STARD9: variants seen among roughly 807,000 people sequenced by gnomAD.
STARD9 encodes StAR related lipid transfer domain containing 9.
Under a neutral mutation model 399.8 loss-of-function variants are expected in STARD9, and 346 were observed. The ratio of observed to expected loss-of-function variants is 0.87; its 90% CI spans 0.79 to 0.95. STARD9 has a LOEUF of 0.95. Among genes scored for constraint, STARD9 ranks in the 40% least tolerant of loss-of-function variants. The probability of loss-of-function intolerance (pLI) is 0.00; values close to 1 mark genes in which losing one functional copy is unlikely to be tolerated. For synonymous variants in STARD9, 2,203 were observed against 2,143.5 expected (o/e 1.03, Z -0.77); for missense variants, 5,832 against 5,667.5 (o/e 1.03, Z -0.93).
chr15:42,608,551 A>G (rs1253121128), intron 3 of STARD9, among the ~76,000 whole-genome samples: 1 of 152,182 alleles, frequency 6.6e-6, no homozygotes, highest in Non-Finnish European at 1.5e-5. Flanking sequence ...TTGCAGGAAA[A>G]GTTTTTTCCA....
rs1036316081 is a variant in STARD9, at chr15:42,581,444, G to T, written c.48-1902G>T. 3 of 1,531,360 alleles carry T rather than the reference G, an allele frequency of 2.0e-6. No homozygotes were observed. In the Admixed American group the frequency reaches 5.1e-5, roughly 26 times the overall value. The allele number at this position is 1,531,360 out of a possible 1,614,324, so 94.9% of individuals were successfully genotyped here. A position where few individuals can be genotyped will look rare whatever the true frequency, so the allele number is the denominator to read the frequency against. On this transcript the variant is annotated intron_variant, in intron 1 of 32. Transcript: ENST00000290607. Reference sequence around the variant, plus strand: ...TGGCCACGGTGTGGGTGGGGAAGGCGCGGCTCTGGCTGGGCTGGTGGCCGC... The same window carrying T: ...TGGCCACGGTGTGGGTGGGGAAGGCTCGGCTCTGGCTGGGCTGGTGGCCGC...
chr15:42,691,999 G>T lies in STARD9; in HGVS notation c.10421G>T (p.Arg3474Leu). The change falls in exon 23 of 33, where the codon CGT (arginine) becomes CTT (leucine). Residue 3474 changes from arginine (R) to leucine (L), a missense_variant. Arg to Leu is a moderately radical substitution (Grantham distance 102, BLOSUM62 -2). This residue lies in a region of STARD9 where 5,828 missense variants were observed against 5,651.1 expected (regional missense o/e 1.03). Transcript: ENST00000290607. ...ATCAGTCCCTATGCGCTGCCGTGGC[G>T]TCCGGAGGAGCCTGCACGTATCAGC... is the stretch of plus-strand genomic sequence containing the variant. ...SDISPYALPW[R>L]PEEPARISWK... is the part of the protein sequence containing the mutation. 6.5e-7 allele frequency: 1 copy of T among 1,537,236 alleles called. No individual in the cohort carries two copies. Among genetic ancestry groups the T allele is most frequent in the Non-Finnish European group, 8.7e-7 (1 of 1,146,894 alleles).
intron 1 of STARD9, 70 bp downstream of exon 1, chr15:42,575,832 C>G: frequency 2.7e-6 from 4 of 1,463,324 alleles, no homozygotes; most frequent in Non-Finnish European, 3.7e-6. Context: ...CCGCGTCTCC[C>G]CCTGCAGAGA....
chr15:42,624,610 G>A (rs962682530), intron 3 of STARD9, among the ~76,000 whole-genome samples: 2 of 151,192 alleles, frequency 1.3e-5, no homozygotes, highest in Non-Finnish European at 2.9e-5. Flanking sequence ...GTGCAGTGAC[G>A]CAATCTTGGC....
intron 3 of STARD9, among the ~76,000 whole-genome samples, chr15:42,627,609 C>A (rs957636592): frequency 6.6e-6 from 1 of 152,174 alleles, no homozygotes; most frequent in Non-Finnish European, 1.5e-5. Flanking sequence ...ACTGCCCTTC[C>A]CAGCCTCTGG....
Position 42,685,632 on chromosome 15 carries a change from G to T in STARD9, c.4054G>T (p.Gly1352Ter). 2.0e-6 allele frequency: 3 copies of T among 1,537,218 alleles called. No individual in the cohort carries two copies. Among genetic ancestry groups the T allele is most frequent in the Non-Finnish European group, 2.6e-6 (3 of 1,146,942 alleles). ...TAAGATCAACCCCAGCAGCCCCCCA[G>T]GAATAGTGGGTTCTTTATGTCCAAG... ...DSKINPSSPP[G>*]IVGSLCPSPD... The change falls in exon 23 of 33, where the codon GGA becomes TGA. Residue 1352 changes from glycine (G) to a stop codon, truncating the protein, a stop_gained. Transcript: ENST00000290607. LOFTEE classifies it high-confidence loss of function.
chr15:42,631,567 G>T (rs951706139), intron 3 of STARD9, among the ~76,000 whole-genome samples: 2 of 151,446 alleles, frequency 1.3e-5, no homozygotes, highest in African/African-American at 4.9e-5. Flanking sequence ...GTGACAGAGC[G>T]AGATTCCGTC....
rs193228085 is a variant in STARD9, at chr15:42,718,567, G to A, written c.13842+53G>A. ...TGGGAAGAACTTGGGCTGAAGTGTC[G>A]TGAGAAACAATCTATGTGGGCCTCA... On this transcript the variant is annotated intron_variant, in intron 31 of 32. Coordinates refer to ENST00000290607, the MANE Select transcript of STARD9 (RefSeq NM_020759.3). 199 of 1,507,222 alleles carry A rather than the reference G, an allele frequency of 1.3e-4. No individual in the cohort carries two copies. In the African/African-American group the frequency reaches 2.2e-3, roughly 16 times the overall value. The allele number at this position is 1,507,222 out of a possible 1,614,324, so 93.4% of individuals were successfully genotyped here.
intron 26 of STARD9, among the ~76,000 whole-genome samples, chr15:42,699,004 G>A (rs1404733633): frequency 3.5e-5 from 4 of 113,846 alleles, no homozygotes; most frequent in Admixed American, 2.1e-4. Context: ...GTTTACCAGA[G>A]TATTCTTTCT....
At position 42,682,622 on chromosome 15, in the gene STARD9, A is replaced by G. The variant is rs1028119083; in HGVS notation, c.2537+47A>G. 4.2e-6 allele frequency: 6 copies of G among 1,437,098 alleles called. No individual in the cohort carries two copies. The African/African-American group carries it at 5.7e-5, about 14-fold the overall frequency. 89.0% of individuals were successfully genotyped at this position (1,437,098 alleles called of 1,614,324 possible). ...GGGAAGCACTCGGTTAAAGTTTACA[A>G]CCTTCTTGCCCAGGTAGTTTTCTGT... On this transcript the variant is annotated intron_variant, in intron 22 of 32. Coordinates refer to ENST00000290607, the MANE Select transcript of STARD9 (RefSeq NM_020759.3).
chr15:42,601,834 C>A (rs959555492), intron 3 of STARD9, among the ~76,000 whole-genome samples: 1 of 152,132 alleles, frequency 6.6e-6, no homozygotes, highest in South Asian at 2.1e-4. Flanking sequence ...ACTCTAGAGC[C>A]TATTTTACTT....
At chr15:42,705,808 A>G (rs1387123648) in intron 26 of STARD9, among the ~76,000 whole-genome samples, 1 of 151,196 alleles carries the variant, frequency 6.6e-6, no homozygotes, top group Non-Finnish European at 1.5e-5. Context: ...GCTGGAGTGC[A>G]GGGGCGTGAT....
rs556450094 is a variant in STARD9, at chr15:42,597,398, C to T, written c.234+11761C>T. On this transcript the variant is annotated intron_variant, in intron 3 of 32. Transcript: ENST00000290607. Reference sequence around the variant, plus strand: ...TTATTTTTTTTTTGAGATGGATTCTCGCTGTGTCACCCAGGCTGGAGTGCA... The same window carrying T: ...TTATTTTTTTTTTGAGATGGATTCTTGCTGTGTCACCCAGGCTGGAGTGCA... Among the ~76,000 whole-genome samples, 5 of 152,064 alleles carry T rather than the reference C, an allele frequency of 3.3e-5. No individual in the cohort carries two copies. In the South Asian group the frequency reaches 1.0e-3, roughly 32 times the overall value.
Position 42,690,839 on chromosome 15 carries a change from A to G in STARD9, c.9261A>G (p.Lys3087=). 1 of 1,537,086 alleles carries G rather than the reference A, an allele frequency of 6.5e-7. No homozygotes were observed. Among genetic ancestry groups the G allele is most frequent in the South Asian group, 1.2e-5 (1 of 84,052 alleles). The change falls in exon 23 of 33, where the codon AAA becomes AAG. Residue 3087 remains lysine (K), a synonymous_variant. Transcript: ENST00000290607. ...GSVGLIGVPE[K]KVAEKQASTE... is the part of the protein sequence containing the mutation. Reference sequence around the variant, plus strand: ...TGGGGTTAATAGGGGTTCCTGAGAAAAAGGTTGCTGAGAAGCAAGCAAGCA... The same window carrying G: ...TGGGGTTAATAGGGGTTCCTGAGAAGAAGGTTGCTGAGAAGCAAGCAAGCA...
Position 42,695,278 on chromosome 15 carries a change from A to G in STARD9, c.13101A>G (p.Gln4367=). The G allele has an allele frequency of 6.5e-7, 1 of 1,536,950 alleles. No individual in the cohort carries two copies. Among genetic ancestry groups the G allele is most frequent in the Non-Finnish European group, 8.7e-7 (1 of 1,146,704 alleles). Residue 4367 remains glutamine, a synonymous_variant, in exon 25 of 33, where the codon CAA becomes CAG. Transcript: ENST00000290607. ...ACCAACTGCGGGAGCGGACTGAACA[A>G]GAGAAGCTGAGAATCCACCAGAAGA... ...ARDQLRERTE[Q]EKLRIHQKII...
At chr15:42,641,761 C>T (rs533798951) in intron 7 of STARD9, among the ~76,000 whole-genome samples, 3 of 152,050 alleles carry the variant, frequency 2.0e-5, no homozygotes, top group African/African-American at 2.4e-5. Context: ...TGAGCCACCA[C>T]GCCTGGCTAA....
chr15:42,612,011 C>T (rs1440618047), intron 3 of STARD9, among the ~76,000 whole-genome samples: 1 of 152,134 alleles, frequency 6.6e-6, no homozygotes, highest in African/African-American at 2.4e-5. Context: ...CTCTGTCGTC[C>T]AGGCTGGAGT....
In STARD9 at chr15:42,634,964, G is replaced by T. The variant is rs1378500679; in HGVS notation, c.343G>T (p.Gly115Trp). ...CTCTGGGAAGACATATACCATGCTG[G>T]GGACCCCAGTGAGTATTACAATGAT... Reference protein sequence around the residue: ...TGSGKTYTMLGTPASVGLTPR... With the variant: ...TGSGKTYTMLWTPASVGLTPR... The change falls in exon 4 of 33, where the codon GGG (glycine) becomes TGG (tryptophan). Residue 115 changes from glycine (G) to tryptophan (W), a missense_variant. Coordinates refer to ENST00000290607, the MANE Select transcript of STARD9 (RefSeq NM_020759.3). 1 of 1,529,448 alleles carries T rather than the reference G, an allele frequency of 6.5e-7. No homozygotes were observed. The highest frequency in any genetic ancestry group is 8.8e-7 in the Non-Finnish European group (1 of 1,140,594). The allele number at this position is 1,529,448 out of a possible 1,614,324, so 94.7% of individuals were successfully genotyped here.
chr15:42,675,604 A>C, intron 18 of STARD9, 60 bp from the exon 19 acceptor site: 1 of 1,307,384 alleles, frequency 7.6e-7, no homozygotes. Flanking sequence ...TGCCGTACAC[A>C]TAGTATGTAC....
Sources: allele counts gnomAD v4.1 joint callset (sites outside exome capture counted in the v4.1 genomes callset), GRCh38; gene constraint gnomAD v4.1.1; regional missense constraint gnomAD v4.1.1; transcripts MANE v1.5; gene names NCBI Gene and HGNC (gene_info 2026-07-23, HGNC 2026-07-21).